Variants in IQCM observed in about 807,000 individuals in gnomAD.
IQCM encodes IQ domain-containing protein M.
Under a neutral mutation model 57.6 loss-of-function variants are expected in IQCM, and 45 were observed. The observed-to-expected ratio is 0.78, with a 90% CI of 0.62 to 1.00. The LOEUF (loss-of-function observed/expected upper bound fraction) is 1.00, where lower values mean the gene tolerates loss of function less well. IQCM is among the 50% of genes least tolerant of loss of function. IQCM has a pLI of 0.00. For missense variants in IQCM, 468 were observed against 511.6 expected (o/e 0.91, Z 0.82); for synonymous variants, 148 against 158.9 (o/e 0.93, Z 0.51).
At chr4:149,685,803 C>T (rs1762506174) in intron 6 of IQCM, among the ~76,000 whole-genome samples, 1 of 151,418 alleles carries the variant, frequency 6.6e-6, no homozygotes, top group Admixed American at 6.6e-5. Context: ...AGCTTCAGCA[C>T]CAACTATTGT....
chr4:149,382,314 T>C (rs1731135772), intron 13 of IQCM, among the ~76,000 whole-genome samples: 1 of 152,154 alleles, frequency 6.6e-6, no homozygotes, highest in African/African-American at 2.4e-5. Flanking sequence ...ACAAACTATT[T>C]GTCTCCACTG....
At chr4:149,481,719 T>TG (rs1560896181) in intron 12 of IQCM, among the ~76,000 whole-genome samples, 40 of 142,840 alleles carry the variant, frequency 2.8e-4, no homozygotes, top group Non-Finnish European at 3.4e-4. Flanking sequence ...TTTTTTTTTT[T>TG]TTTGCTTTTT....
At chr4:149,660,769 G>A (rs1760118247) in intron 7 of IQCM, among the ~76,000 whole-genome samples, 1 of 151,986 alleles carries the variant, frequency 6.6e-6, no homozygotes, top group South Asian at 2.1e-4. Context: ...ATTCATAGGT[G>A]GGAACCGAAC....
intron 7 of IQCM, among the ~76,000 whole-genome samples, chr4:149,651,956 T>C (rs184352877): frequency 4.6e-5 from 7 of 152,340 alleles, no homozygotes; most frequent in Non-Finnish European, 1.0e-4. Flanking sequence ...ATTGGGTATA[T>C]ACCCAAAGGA....
chr4:149,414,376 G>T (rs1367487357), intron 13 of IQCM, among the ~76,000 whole-genome samples: 1 of 152,050 alleles, frequency 6.6e-6, no homozygotes, highest in East Asian at 1.9e-4. Flanking sequence ...TTCCTTTCAC[G>T]ATGACAGTTT....
At chr4:149,358,427 TAG>T (rs1422056141) in intron 13 of IQCM, among the ~76,000 whole-genome samples, 4 of 152,136 alleles carry the variant, frequency 2.6e-5, no homozygotes, top group African/African-American at 9.7e-5. Flanking sequence ...ATGTGTCCCA[TAG>T]ATTCTGGTAT....
chr4:149,739,683 C>T (rs1024740128), intron 3 of IQCM, among the ~76,000 whole-genome samples: 1 of 151,868 alleles, frequency 6.6e-6, no homozygotes, highest in African/African-American at 2.4e-5. Flanking sequence ...AAATGTTTTG[C>T]AATAAAGTTC....
At chr4:149,485,344 T>C (rs1448447808) in intron 12 of IQCM, among the ~76,000 whole-genome samples, 1 of 152,014 alleles carries the variant, frequency 6.6e-6, no homozygotes, top group Non-Finnish European at 1.5e-5. Flanking sequence ...ATAATTCTTA[T>C]ATTTGTCCTT....
At chr4:149,478,322 A>G (rs756711114) in intron 12 of IQCM, among the ~76,000 whole-genome samples, 4 of 152,152 alleles carry the variant, frequency 2.6e-5, no homozygotes, top group Non-Finnish European at 5.9e-5. Context: ...GCAAGATTGC[A>G]CACACTGGAG....
At chr4:149,720,475 C>T (rs1047202082) in intron 5 of IQCM, among the ~76,000 whole-genome samples, 5 of 152,138 alleles carry the variant, frequency 3.3e-5, no homozygotes, top group Non-Finnish European at 7.4e-5. Flanking sequence ...AACAAGTCTC[C>T]TGTCTTACTC....
intron 5 of IQCM, among the ~76,000 whole-genome samples, chr4:149,693,928 T>G (rs1763121813): frequency 2.0e-5 from 3 of 152,174 alleles, no homozygotes; most frequent in African/African-American, 7.2e-5. Flanking sequence ...ACAAGGGATA[T>G]TCTCTAATCT....
intron 10 of IQCM, among the ~76,000 whole-genome samples, chr4:149,560,906 T>C (rs1014595841): frequency 2.0e-5 from 3 of 152,182 alleles, no homozygotes; most frequent in African/African-American, 7.2e-5. Flanking sequence ...TGATTTGCTG[T>C]GCACCCTCTA....
At chr4:149,601,183 A>G (rs1335954372) in intron 8 of IQCM, among the ~76,000 whole-genome samples, 1 of 134,128 alleles carries the variant, frequency 7.5e-6, no homozygotes, top group Non-Finnish European at 1.6e-5. Context: ...CTTCTGATTC[A>G]ATAGATCGGG....
intron 5 of IQCM, among the ~76,000 whole-genome samples, chr4:149,731,377 C>T (rs757125307): frequency 3.2e-4 from 48 of 152,128 alleles, no homozygotes; most frequent in Non-Finnish European, 6.3e-4. Flanking sequence ...GAAGCAGAGA[C>T]TGGACCCTCA....
At chr4:149,806,585 T>C (rs1354390349) in intron 2 of IQCM, among the ~76,000 whole-genome samples, 1 of 152,034 alleles carries the variant, frequency 6.6e-6, no homozygotes, top group South Asian at 2.1e-4. Context: ...GTGATATTTG[T>C]CTTTCTATGC....
chr4:149,497,376 C>G (rs1742766672), intron 12 of IQCM, among the ~76,000 whole-genome samples: 1 of 152,126 alleles, frequency 6.6e-6, no homozygotes, highest in Non-Finnish European at 1.5e-5. Flanking sequence ...AGTCCATTTT[C>G]ACACTGCTGA....
At chr4:149,672,580 AAG>A (rs1761395060) in intron 7 of IQCM, among the ~76,000 whole-genome samples, 1 of 152,172 alleles carries the variant, frequency 6.6e-6, no homozygotes, top group African/African-American at 2.4e-5. Flanking sequence ...TTAGAGAAAA[AAG>A]AGTAAAAAGA....
At chr4:149,602,433 G>A (rs932741848) in intron 8 of IQCM, among the ~76,000 whole-genome samples, 7 of 151,970 alleles carry the variant, frequency 4.6e-5, no homozygotes, top group African/African-American at 9.7e-5. Flanking sequence ...GTTTGTTTGC[G>A]TTTATTTTAT....
At position 149,578,699 on chromosome 4, in the gene IQCM, T is replaced by C. The variant is rs978664291; in HGVS notation, c.749+9231A>G. Reference sequence around the variant, plus strand: ...AGATTATAGGGCTCCAGAAAATAAATGAATGTCCACAATTCAGGTGATTCT... The same window carrying C: ...AGATTATAGGGCTCCAGAAAATAAACGAATGTCCACAATTCAGGTGATTCT... On this transcript the variant is annotated intron_variant, in intron 9 of 13. Transcript: ENST00000636793. Among the ~76,000 whole-genome samples the C allele has an allele frequency of 2.6e-5, 4 of 151,828 alleles. No individual in the cohort carries two copies. The East Asian group carries it at 5.8e-4, about 22-fold the overall frequency.
Sources: allele counts gnomAD v4.1 joint callset (sites outside exome capture counted in the v4.1 genomes callset), GRCh38; gene constraint gnomAD v4.1.1; transcripts MANE v1.5; gene names NCBI Gene and HGNC (gene_info 2026-07-23, HGNC 2026-07-21).